The following C2orf78 variants were observed in gnomAD, a reference collection of about 807,000 sequenced individuals.
C2orf78 encodes the protein uncharacterized protein C2orf78.
A neutral mutation model predicts 21.4 loss-of-function variants in C2orf78; 12 were observed. The ratio of observed to expected loss-of-function variants is 0.56; its 90% CI spans 0.36 to 0.91. The LOEUF is 0.91. Among genes scored for constraint, C2orf78 ranks in the 40% least tolerant of loss-of-function variants. The pLI is 0.01. For missense variants in C2orf78, 1,042 were observed against 1,092.4 expected, an observed-to-expected ratio of 0.95 and a Z score of 0.65; for synonymous variants, 396 against 413.9, an observed-to-expected ratio of 0.96 and a Z score of 0.52.
chr2:73,810,625 T>A (rs1673064123), intron 1 of C2orf78, among the ~76,000 whole-genome samples: 1 of 135,382 alleles, frequency 7.4e-6, no homozygotes, highest in Non-Finnish European at 1.6e-5. Flanking sequence ...TATATATACA[T>A]AATATATATA....
chr2:73,814,027 A>C, exon 2 of C2orf78: 2 of 1,614,010 alleles, frequency 1.2e-6, no homozygotes, highest in Non-Finnish European at 1.7e-6. Flanking sequence ...ACTATAATCA[A>C]GGCACACTGG....
At chr2:73,786,250 T>G (rs1348480288) in intron 1 of C2orf78, among the ~76,000 whole-genome samples, 3 of 151,406 alleles carry the variant, frequency 2.0e-5, no homozygotes, top group African/African-American at 7.3e-5. Flanking sequence ...TGTGGTGGCG[T>G]GCACCTGTAA....
At chr2:73,808,702 C>T in intron 1 of C2orf78, 4 of 1,509,522 alleles carry the variant, frequency 2.6e-6, no homozygotes, top group Non-Finnish European at 8.8e-7. Flanking sequence ...CCAACTGCCA[C>T]CTGGTAGAAT....
In C2orf78 at chr2:73,809,617, C is replaced by T. The variant is rs188270454; in HGVS notation, c.98-3860C>T. 7.9e-5 allele frequency among the ~76,000 whole-genome samples: 12 copies of T among 152,088 alleles called. No homozygotes were observed. In the East Asian group the frequency reaches 2.1e-3, roughly 27 times the overall value. ...TCTGGGCAACATGGCAAGACCCCAT[C>T]TCTACAAAAACTTTTTAAAACTCAG... On this transcript the variant is annotated intron_variant, in intron 1 of 2. Coordinates refer to ENST00000409561, the Ensembl canonical transcript of C2orf78.
At chr2:73,808,967 T>C (rs1323833977) in intron 1 of C2orf78, 22 of 571,326 alleles carry the variant, frequency 3.9e-5, no homozygotes, top group African/African-American at 1.5e-4. Flanking sequence ...TAGATTTCTT[T>C]CCCCCTATAT....
chr2:73,814,461 T>A (rs1195108631), intron 2 of C2orf78, among the ~76,000 whole-genome samples: 1 of 152,222 alleles, frequency 6.6e-6, no homozygotes, highest in African/African-American at 2.4e-5. Context: ...AAGAGCATAC[T>A]GAGGGATACA....
chr2:73,814,345 T>A, intron 2 of C2orf78, 119 bp downstream of exon 2: 1 of 1,161,690 alleles, frequency 8.6e-7, no homozygotes, highest in Non-Finnish European at 1.2e-6. Context: ...CTTCAACCAC[T>A]ATTCTTTGGC....
At chr2:73,815,341 T>C in exon 3 of C2orf78, 1 of 1,613,990 alleles carries the variant, frequency 6.2e-7, no homozygotes, top group Non-Finnish European at 8.5e-7. Flanking sequence ...TCAAAGCCTC[T>C]AGATGTCCAC....
rs879037948 is a variant in C2orf78, at chr2:73,784,614, C to A, written c.97+208C>A. ...TATTCTCTCACAAAATCTGTTTCCT[C>A]ATCTATTACACTAGGATAATAGACT... On this transcript the variant is annotated intron_variant, in intron 1 of 2. Transcript: ENST00000409561. Among the ~76,000 whole-genome samples the A allele has an allele frequency of 5.3e-5, 8 of 151,474 alleles. No individual in the cohort carries two copies. The South Asian group carries it at 1.7e-3, about 31-fold the overall frequency.
chr2:73,816,787 G>T (rs200514281), exon 3 of C2orf78: 1 of 1,613,924 alleles, frequency 6.2e-7, no homozygotes, highest in Non-Finnish European at 8.5e-7. Flanking sequence ...CTCCAACCCC[G>T]TCCATGGAGG....
exon 3 of C2orf78, chr2:73,816,913 C>T: frequency 6.2e-7 from 1 of 1,613,294 alleles, no homozygotes. Flanking sequence ...GCCAAATACA[C>T]CTCTTTGGGG....
exon 2 of C2orf78, chr2:73,813,761 G>C: frequency 6.2e-7 from 1 of 1,614,054 alleles, no homozygotes; most frequent in Non-Finnish European, 8.5e-7. Flanking sequence ...AGGCGTTTTT[G>C]AGTGGGATAG....
chr2:73,815,087 G>A (rs575223707), exon 3 of C2orf78: 10 of 1,611,868 alleles, frequency 6.2e-6, no homozygotes, highest in Admixed American at 1.7e-5. Flanking sequence ...AAACTTCCCT[G>A]GGGATGGATA....
At chr2:73,816,321 A>G in exon 3 of C2orf78, 1 of 1,613,880 alleles carries the variant, frequency 6.2e-7, no homozygotes, top group South Asian at 1.1e-5. Context: ...TAGTGCTGAA[A>G]AAGAGTGTAC....
chr2:73,785,750 G>T (rs1672912984), intron 1 of C2orf78, among the ~76,000 whole-genome samples: 1 of 151,938 alleles, frequency 6.6e-6, no homozygotes, highest in African/African-American at 2.4e-5. Context: ...AAACATTTTG[G>T]AAATATGTTT....
At chr2:73,813,254 T>G (rs950283141) in intron 1 of C2orf78, among the ~76,000 whole-genome samples, 1 of 152,198 alleles carries the variant, frequency 6.6e-6, no homozygotes, top group African/African-American at 2.4e-5. Flanking sequence ...CATTTGGGTC[T>G]TCATATCTGT....
At chr2:73,807,658 A>C (rs564567484) in intron 1 of C2orf78, among the ~76,000 whole-genome samples, 23 of 85,282 alleles carry the variant, frequency 2.7e-4, no homozygotes, top group Middle Eastern at 4.4e-3. Context: ...CCGTTTTCCA[A>C]ACATCAGGAC....
chr2:73,814,962 C>A, intron 2 of C2orf78, 109 bp from the exon 3 acceptor site: 1 of 1,023,152 alleles, frequency 9.8e-7, no homozygotes, highest in Non-Finnish European at 1.4e-6. Context: ...TTAAGAAGAG[C>A]TAGTAGAAAT....
intron 1 of C2orf78, among the ~76,000 whole-genome samples, chr2:73,810,000 T>A (rs985538556): frequency 6.6e-6 from 1 of 151,566 alleles, no homozygotes; most frequent in Non-Finnish European, 1.5e-5. Flanking sequence ...AATAAAAAAA[T>A]ATATTTTAAA....
Sources: gnomAD v4.1 joint callset for allele counts (sites outside exome capture counted in the v4.1 genomes callset) on GRCh38, gnomAD v4.1.1 for gene constraint, MANE v1.5 for transcripts, NCBI Gene and HGNC (gene_info 2026-07-23, HGNC 2026-07-21) for gene names.